Variants in FBXO11 observed in about 807,000 individuals in gnomAD.
FBXO11 encodes F-box protein 11.
Under a neutral mutation model 117.0 loss-of-function variants are expected in FBXO11, and 13 were observed. The observed-to-expected ratio is 0.11, with a 90% confidence interval of 0.07 to 0.18. The LOEUF (loss-of-function observed/expected upper bound fraction) is 0.18. Ranked by LOEUF, FBXO11 falls within the 10% of genes least tolerant of loss-of-function variation. The probability of loss-of-function intolerance (pLI) is 1.00; values close to 1 mark genes in which losing one functional copy is unlikely to be tolerated. For synonymous variants in FBXO11, 490 were observed against 380.5 expected, an observed-to-expected ratio of 1.29 and a Z score of -3.35; for missense variants, 767 against 1,164.4, an observed-to-expected ratio of 0.66 and a Z score of 4.97.
At chr2:47,853,797 T>C (rs1230446485) in intron 1 of FBXO11, among the ~76,000 whole-genome samples, 1 of 152,176 alleles carries the variant, frequency 6.6e-6, no homozygotes, top group Non-Finnish European at 1.5e-5. Flanking sequence ...ATACTGAAAG[T>C]TACCAAGGTC....
chr2:47,831,245 T>C (rs1044005950), intron 11 of FBXO11, among the ~76,000 whole-genome samples: 2 of 151,518 alleles, frequency 1.3e-5, no homozygotes, highest in African/African-American at 4.8e-5. Flanking sequence ...GGTGAAACCC[T>C]GTTTCTACTA....
Position 47,905,618 on chromosome 2 carries a change from G to A in FBXO11, c.103C>T (p.Pro35Ser). 2.9e-6 allele frequency: 4 copies of A among 1,372,840 alleles called. No individual in the cohort carries two copies. The highest frequency in any genetic ancestry group is 1.7e-5 in the South Asian group (1 of 59,484). The allele number at this position is 1,372,840 out of a possible 1,614,324, so 85.0% of individuals were successfully genotyped here. ...QQPPQQPPPQPPQQQPPQQQP... is the reference protein window; with the variant it reads ...QQPPQQPPPQSPQQQPPQQQP... ...TGCTGGGGCGGCTGCTGCTGGGGCG[G>A]CTGCGGCGGCGGCTGCTGCGGGGGC... The change falls in exon 1 of 23, where the codon CCG (proline) becomes TCG (serine). Residue 35 changes from proline (P) to serine (S), a missense_variant. This residue lies in a region of FBXO11 where 355 missense variants were observed against 299.8 expected (regional missense o/e 1.18). Coordinates refer to ENST00000403359, the MANE Select transcript of FBXO11 (RefSeq NM_001190274.2).
intron 1 of FBXO11, among the ~76,000 whole-genome samples, chr2:47,880,094 CGA>C (rs1196717244): frequency 6.6e-6 from 1 of 151,828 alleles, no homozygotes; most frequent in African/African-American, 2.4e-5. Flanking sequence ...CTTCCAGGCT[CGA>C]GAGATTCTCC....
At chr2:47,900,706 G>A (rs113789553) in intron 1 of FBXO11, among the ~76,000 whole-genome samples, 15 of 73,590 alleles carry the variant, frequency 2.0e-4, no homozygotes, top group Non-Finnish European at 2.9e-4. Context: ...ACACACACGT[G>A]TATATATATA....
intron 1 of FBXO11, chr2:47,865,838 A>T (rs759490586): frequency 1.1e-4 from 16 of 152,240 alleles, no homozygotes; most frequent in Non-Finnish European, 2.1e-4. Flanking sequence ...CTCAGTTTCC[A>T]CATGGGTAAA....
chr2:47,859,871 G>A (rs1319033325), intron 1 of FBXO11, among the ~76,000 whole-genome samples: 1 of 152,024 alleles, frequency 6.6e-6, no homozygotes, highest in Non-Finnish European at 1.5e-5. Context: ...TGAGATTGAG[G>A]CCCCATTTAT....
At chr2:47,883,857 C>A in intron 1 of FBXO11, 1 of 187,270 alleles carries the variant, frequency 5.3e-6, no homozygotes, top group South Asian at 1.1e-4. Context: ...GCCACTTTGA[C>A]AGATATTATT....
At chr2:47,859,471 G>GAAAAACTTGGC (rs1674585852) in intron 1 of FBXO11, among the ~76,000 whole-genome samples, 1 of 152,130 alleles carries the variant, frequency 6.6e-6, no homozygotes, top group South Asian at 2.1e-4. Context: ...GAGAGGTTGG[G>GAAAAACTTGGC]AAAAACTTGG....
intron 1 of FBXO11, among the ~76,000 whole-genome samples, chr2:47,884,701 G>C (rs1490954170): frequency 6.6e-6 from 1 of 152,038 alleles, no homozygotes; most frequent in African/African-American, 2.4e-5. Context: ...TGTAACTTCA[G>C]GTATTTTTGA....
At chr2:47,903,699 C>G (rs1290759866) in intron 1 of FBXO11, among the ~76,000 whole-genome samples, 2 of 152,210 alleles carry the variant, frequency 1.3e-5, no homozygotes, top group Non-Finnish European at 2.9e-5. Flanking sequence ...CCAATTACCA[C>G]ATCTTGAAAA....
At chr2:47,843,902 G>C (rs144105701) in intron 1 of FBXO11, among the ~76,000 whole-genome samples, 10,880 of 151,940 alleles carry the variant, frequency 0.072, 556 homozygotes, top group Non-Finnish European at 0.11. Context: ...CACTACGCCC[G>C]GCTAATTTTT....
intron 1 of FBXO11, among the ~76,000 whole-genome samples, chr2:47,884,862 C>G (rs1409459977): frequency 1.3e-5 from 2 of 150,614 alleles, no homozygotes; most frequent in East Asian, 3.9e-4. Context: ...ATTCAGTAAA[C>G]AGAAGTTTAC....
At chr2:47,809,296 T>G (rs765868245) in intron 20 of FBXO11, 30 bp from the exon 21 acceptor site, 2 of 1,369,162 alleles carry the variant, frequency 1.5e-6, no homozygotes, top group African/African-American at 1.5e-5. Flanking sequence ...AAGTAAAAAT[T>G]CAGAGGAATG....
At chr2:47,865,730 AACAAC>A (rs1675145970) in intron 1 of FBXO11, 1 of 152,238 alleles carries the variant, frequency 6.6e-6, no homozygotes, top group South Asian at 2.1e-4. Flanking sequence ...CACTGGTGGA[AACAAC>A]ATGGGATATT....
chr2:47,832,364 T>C lies in FBXO11; in HGVS notation c.1383A>G (p.Thr461=). ...IHHGRDVGVF[T]FDHGMGYFES... Reference sequence around the variant, plus strand: ...GTGTTCTTACCATGCCATGATCAAATGTGAACACACCAACATCACGTCCAT... The same window carrying C: ...GTGTTCTTACCATGCCATGATCAAACGTGAACACACCAACATCACGTCCAT... Residue 461 remains threonine, a synonymous_variant, in exon 11 of 23, where the codon ACA becomes ACG. Transcript: ENST00000403359. 1 of 1,611,084 alleles carries C rather than the reference T, an allele frequency of 6.2e-7. No individual in the cohort carries two copies. The highest frequency in any genetic ancestry group is 1.3e-5 in the African/African-American group (1 of 74,830).
At chr2:47,875,707 C>T (rs1675952960) in intron 1 of FBXO11, among the ~76,000 whole-genome samples, 1 of 151,932 alleles carries the variant, frequency 6.6e-6, no homozygotes, top group South Asian at 2.1e-4. Context: ...TTTGGTAGAT[C>T]TCTAAGAATA....
chr2:47,838,772 C>G, intron 4 of FBXO11, 87 bp downstream of exon 4: 2 of 1,272,762 alleles, frequency 1.6e-6, no homozygotes, highest in Non-Finnish European at 2.2e-6. Context: ...TAACTACCAA[C>G]TCACCGCACC....
intron 4 of FBXO11, among the ~76,000 whole-genome samples, chr2:47,837,303 G>T (rs939149510): frequency 6.6e-6 from 1 of 152,230 alleles, no homozygotes; most frequent in African/African-American, 2.4e-5. Flanking sequence ...CAGGCAGGAG[G>T]ATCACCTGAG....
chr2:47,809,505 G>T, intron 20 of FBXO11, 95 bp downstream of exon 20: 1 of 901,868 alleles, frequency 1.1e-6, no homozygotes, highest in Non-Finnish European at 1.7e-6. Flanking sequence ...TTGCTAACTT[G>T]GAGAGTGACA....
Sources: gnomAD v4.1 joint callset for allele counts (sites outside exome capture counted in the v4.1 genomes callset) on GRCh38, gnomAD v4.1.1 for gene constraint, gnomAD v4.1.1 regional missense constraint, MANE v1.5 for transcripts, NCBI Gene and HGNC (gene_info 2026-07-23, HGNC 2026-07-21) for gene names.